Variants in GIT2 observed in about 807,000 individuals in gnomAD.
GIT2 encodes the protein GIT ArfGAP 2.
In GIT2, 32 loss-of-function variants were observed where a neutral mutation model predicts 100.3. That is an observed-to-expected ratio of 0.32 (90% confidence interval 0.24 to 0.43). The LOEUF (loss-of-function observed/expected upper bound fraction) is 0.43, where lower values mean the gene tolerates loss of function less well. Ranked by LOEUF, GIT2 falls within the 20% of genes least tolerant of loss-of-function variation. GIT2 has a pLI of 1.00. For missense variants in GIT2, 737 were observed against 975.1 expected, an observed-to-expected ratio of 0.76 and a Z score of 3.25; for synonymous variants, 353 against 364.1, an observed-to-expected ratio of 0.97 and a Z score of 0.35.
intron 18 of GIT2, among the ~76,000 whole-genome samples, chr12:109,936,505 G>T (rs1005879358): frequency 4.6e-4 from 70 of 152,158 alleles, no homozygotes; most frequent in African/African-American, 1.6e-3. Context: ...GAAAAGCGAA[G>T]CACATTGACA....
At chr12:109,993,858 T>C (rs998863885) in intron 1 of GIT2, among the ~76,000 whole-genome samples, 2 of 150,818 alleles carry the variant, frequency 1.3e-5, no homozygotes, top group African/African-American at 4.9e-5. Context: ...ATGAACCAGA[T>C]TCATTAAAAA....
intron 7 of GIT2, among the ~76,000 whole-genome samples, chr12:109,972,351 C>A (rs1381805086): frequency 6.6e-6 from 1 of 152,062 alleles, no homozygotes; most frequent in Non-Finnish European, 1.5e-5. Flanking sequence ...TCCTAGTTTG[C>A]TAAGAGTTTT....
intron 10 of GIT2, 44 bp downstream of exon 10, chr12:109,961,569 C>A: frequency 7.9e-7 from 1 of 1,258,536 alleles, no homozygotes; most frequent in Non-Finnish European, 1.2e-6. Flanking sequence ...TTTTCACTGC[C>A]CACTGATAAC....
intron 2 of GIT2, among the ~76,000 whole-genome samples, chr12:109,990,783 G>A (rs1888219524): frequency 6.6e-6 from 1 of 152,140 alleles, no homozygotes; most frequent in African/African-American, 2.4e-5. Flanking sequence ...CATTTAACAG[G>A]GTATTCTACA....
At chr12:109,941,529 CT>C (rs931997843) in intron 16 of GIT2, among the ~76,000 whole-genome samples, 177 of 143,808 alleles carry the variant, frequency 1.2e-3, no homozygotes, top group Non-Finnish European at 9.8e-4. Flanking sequence ...TAACTTTTTT[CT>C]TTTTTTTTTT....
chr12:109,958,663 G>A (rs1430148894), intron 12 of GIT2, among the ~76,000 whole-genome samples: 1 of 152,202 alleles, frequency 6.6e-6, no homozygotes, highest in African/African-American at 2.4e-5. Context: ...TCCTGAACAG[G>A]AAAGAAGAAT....
At chr12:109,941,647 G>A (rs1401731681) in intron 16 of GIT2, among the ~76,000 whole-genome samples, 3 of 151,548 alleles carry the variant, frequency 2.0e-5, no homozygotes, top group Non-Finnish European at 2.9e-5. Context: ...TCGGCCCCCT[G>A]AGTAGCTGGG....
chr12:109,949,283 G>A (rs1877200163), intron 14 of GIT2, among the ~76,000 whole-genome samples: 1 of 152,250 alleles, frequency 6.6e-6, no homozygotes, highest in Non-Finnish European at 1.5e-5. Context: ...GGACTGAGGT[G>A]TGTAACTGAC....
intron 9 of GIT2, among the ~76,000 whole-genome samples, 163 bp from the exon 10 acceptor site, chr12:109,961,848 G>A (rs1263421436): frequency 6.6e-6 from 1 of 152,114 alleles, no homozygotes; most frequent in Non-Finnish European, 1.5e-5. Flanking sequence ...AAATCGTACA[G>A]GGCCTCTAGA....
At chr12:109,970,825 T>C (rs1050762838) in intron 7 of GIT2, among the ~76,000 whole-genome samples, 5 of 152,256 alleles carry the variant, frequency 3.3e-5, no homozygotes, top group African/African-American at 1.2e-4. Context: ...GGTCTCACTC[T>C]GTTGCCAAGG....
chr12:109,938,849 G>A lies in GIT2; in HGVS notation c.1815-281C>T, dbSNP rs552836902. 13 of 494,380 alleles carry A rather than the reference G, an allele frequency of 2.6e-5. No individual in the cohort carries two copies. The Admixed American group carries it at 3.4e-4, about 13-fold the overall frequency. 30.6% of individuals were successfully genotyped at this position (494,380 alleles called of 1,614,324 possible). A position where few individuals can be genotyped will look rare whatever the true frequency, so the allele number is the denominator to read the frequency against. ...TGTTTGTTTATAAAGCCATCCTCAG[G>A]TGGGCCAACTCCTTGGGTACAAATG... On this transcript the variant is annotated intron_variant, in intron 17 of 19. Transcript: ENST00000355312.
intron 2 of GIT2, among the ~76,000 whole-genome samples, chr12:109,990,047 G>GA (rs746225355): frequency 6.6e-6 from 1 of 151,678 alleles, no homozygotes; most frequent in Non-Finnish European, 1.5e-5. Context: ...CTGTATGAAA[G>GA]AAAAAAAAGT....
upstream of GIT2, chr12:109,997,454 T>C (rs1889607536): frequency 6.6e-6 from 1 of 152,176 alleles, no homozygotes; most frequent in Non-Finnish European, 1.5e-5. Context: ...AGTTTTAATC[T>C]CATGTTCAAA....
At position 109,989,707 on chromosome 12, in the gene GIT2, AT is replaced by A; in HGVS notation, c.281del (p.Asn94IlefsTer21). The A allele has an allele frequency of 6.6e-7, 1 of 1,526,582 alleles. No homozygotes were observed. Among genetic ancestry groups the A allele is most frequent in the Non-Finnish European group, 9.1e-7 (1 of 1,100,210 alleles). 94.6% of individuals were successfully genotyped at this position (1,526,582 alleles called of 1,614,324 possible). A position where few individuals can be genotyped will look rare whatever the true frequency, so the allele number is the denominator to read the frequency against. ...ASIMSGRRKA[N>X]PQDKVHPNKA... ...CCACTCACTGTACTTTATCCTGTGG[AT>A]TAGCTTTACGTCTTCCACTCATAAT... On this transcript the variant is annotated frameshift_variant, in exon 3 of 20. Transcript: ENST00000355312. LOFTEE classifies it high-confidence loss of function.
In GIT2 at chr12:109,988,955, T is replaced by C; in HGVS notation, c.405+8A>G. 1.3e-6 allele frequency: 2 copies of C among 1,518,204 alleles called. No individual in the cohort carries two copies. Among genetic ancestry groups the C allele is most frequent in the Non-Finnish European group, 1.8e-6 (2 of 1,092,652 alleles). 94.0% of individuals were successfully genotyped at this position (1,518,204 alleles called of 1,614,324 possible). A position where few individuals can be genotyped will look rare whatever the true frequency, so the allele number is the denominator to read the frequency against. On this transcript the variant is annotated splice_region_variant and intron_variant, in intron 4 of 19. Transcript: ENST00000355312. ...GCTCTTTTAGGGATTTTAAAAGGTG[T>C]GACCCACCTTGCTAAGATCTTTGGC...
chr12:109,987,178 C>A (rs1159676849), intron 4 of GIT2, among the ~76,000 whole-genome samples: 1 of 151,412 alleles, frequency 6.6e-6, no homozygotes, highest in Non-Finnish European at 1.5e-5. Flanking sequence ...GTCAGGAGAT[C>A]GAGACCATCC....
intron 7 of GIT2, among the ~76,000 whole-genome samples, chr12:109,980,408 T>TTTTGAGACTATTTGAGATTATTTATTTA (rs1886089235): frequency 6.6e-6 from 1 of 151,906 alleles, no homozygotes; most frequent in Non-Finnish European, 1.5e-5. Context: ...TATTTATTTA[T>TTTTGAGACTATTTGAGATTATTTATTTA]TTTGAGACAG....
At chr12:109,986,213 T>C (rs907263164) in intron 4 of GIT2, among the ~76,000 whole-genome samples, 8 of 152,110 alleles carry the variant, frequency 5.3e-5, no homozygotes, top group African/African-American at 1.9e-4. Flanking sequence ...ATCAGCCTGA[T>C]ACCAAAATCT....
chr12:109,938,215 A>G (rs1452044053), intron 18 of GIT2, among the ~76,000 whole-genome samples, 165 bp downstream of exon 18: 2 of 152,198 alleles, frequency 1.3e-5, no homozygotes, highest in South Asian at 2.1e-4. Flanking sequence ...AAACAAGACA[A>G]AGCAAACCAA....
Sources: allele counts gnomAD v4.1 joint callset (sites outside exome capture counted in the v4.1 genomes callset), GRCh38; gene constraint gnomAD v4.1.1; transcripts MANE v1.5; gene names NCBI Gene and HGNC (gene_info 2026-07-23, HGNC 2026-07-21).